ARHGAP27: variants seen among roughly 807,000 people sequenced by gnomAD.
ARHGAP27 encodes rho GTPase-activating protein 27.
Under a neutral mutation model 102.0 loss-of-function variants are expected in ARHGAP27, and 53 were observed. The observed-to-expected ratio is 0.52, with a 90% CI of 0.42 to 0.65. The LOEUF (loss-of-function observed/expected upper bound fraction) is 0.65, where lower values mean the gene tolerates loss of function less well. ARHGAP27 is among the 30% of genes least tolerant of loss of function. The pLI, the probability that ARHGAP27 is intolerant of heterozygous loss-of-function variation, is 0.00. For synonymous variants in ARHGAP27, 525 were observed against 542.8 expected, an observed-to-expected ratio of 0.97 and a Z score of 0.46; for missense variants, 1,117 against 1,256.2, an observed-to-expected ratio of 0.89 and a Z score of 1.68.
rs575777266 is a variant in ARHGAP27, at chr17:45,428,727, CG to C, written c.657+895del. 1.5e-3 allele frequency among the ~76,000 whole-genome samples: 230 copies of C among 152,230 alleles called. 1 individual carries two copies. Among genetic ancestry groups the C allele is most frequent in the African/African-American group, 5.4e-3 (224 of 41,532 alleles). On this transcript the variant is annotated intron_variant, in intron 4 of 19. Coordinates refer to ENST00000685559, the MANE Select transcript of ARHGAP27 (RefSeq NM_001282290.2). ...CCTCCCTTTGGGCTAAAGAACAAAC[CG>C]AGACCCTAAGAGAGGAAAAGAACTG...
chr17:45,402,644 C>T, intron 12 of ARHGAP27, 70 bp downstream of exon 12: 1 of 1,398,728 alleles, frequency 7.1e-7, no homozygotes, highest in Non-Finnish European at 1.0e-6. Flanking sequence ...ATTTCCAGGT[C>T]AATAGTTGTC....
At position 45,396,213 on chromosome 17, in the gene ARHGAP27, C is replaced by G; in HGVS notation, c.2245G>C (p.Asp749His). 2 of 1,611,052 alleles carry G rather than the reference C, an allele frequency of 1.2e-6. No individual in the cohort carries two copies. Among genetic ancestry groups the G allele is most frequent in the Non-Finnish European group, 1.7e-6 (2 of 1,178,056 alleles). Residue 749 changes from aspartate (D) to histidine (H), a missense_variant, in exon 17 of 20, where the codon GAC (aspartate) becomes CAC (histidine). This residue lies in a region of ARHGAP27 where 493 missense variants were observed against 505.5 expected (regional missense o/e 0.98). Transcript: ENST00000685559. ...ATIQKLRYKV[D>H]HDERLDLDDG... is the part of the protein sequence containing the mutation. ...GGTTGGGGACGGGCCTCACCGTGGTCCACCTTATAGCGTAGCTTCTGGATG... is the reference window on the plus strand; with the variant it reads ...GGTTGGGGACGGGCCTCACCGTGGTGCACCTTATAGCGTAGCTTCTGGATG...
At chr17:45,410,655 G>A (rs755285929) in intron 4 of ARHGAP27, among the ~76,000 whole-genome samples, 19 of 152,136 alleles carry the variant, frequency 1.2e-4, no homozygotes, top group Middle Eastern at 3.2e-3. Flanking sequence ...AGAGAATCAC[G>A]GCTGAGCCTG....
In ARHGAP27 at chr17:45,430,219, C is replaced by T. The variant is rs777985670; in HGVS notation, c.61G>A (p.Gly21Ser). 5.1e-6 allele frequency: 8 copies of T among 1,567,768 alleles called. No homozygotes were observed. Among genetic ancestry groups the T allele is most frequent in the Non-Finnish European group, 6.0e-6 (7 of 1,164,880 alleles). The part of the protein sequence containing the change: ...VLVEHPFEYT[G>S]KDGRRVAIRP... ...ATGGCCACGCGGCGCCCGTCCTTGC[C>T]GGTGTACTCGAAGGGGTGCTCCACC... Residue 21 changes from glycine to serine, a missense_variant, in exon 4 of 20, where the codon GGC (glycine) becomes AGC (serine). This residue lies in a region of ARHGAP27 where 610 missense variants were observed against 716.4 expected (regional missense o/e 0.85). Coordinates refer to ENST00000685559, the MANE Select transcript of ARHGAP27 (RefSeq NM_001282290.2). The surrounding 1 kb of genome is among the most constrained non-coding windows in gnomAD (Gnocchi z 4.4).
intron 6 of ARHGAP27, 108 bp downstream of exon 6, chr17:45,404,816 A>T: frequency 2.6e-6 from 4 of 1,547,572 alleles, no homozygotes. Context: ...TGGCTGGTTT[A>T]GGCTCTGTGT....
chr17:45,396,632 G>A (rs2045732634), intron 15 of ARHGAP27, 36 bp downstream of exon 15: 3 of 1,611,994 alleles, frequency 1.9e-6, no homozygotes, highest in African/African-American at 1.3e-5. Context: ...GCCCCGTCCC[G>A]GTCCCGGGTC....
chr17:45,429,142 C>G (rs2049854370), intron 4 of ARHGAP27, among the ~76,000 whole-genome samples: 1 of 152,226 alleles, frequency 6.6e-6, no homozygotes, highest in Non-Finnish European at 1.5e-5. Flanking sequence ...GGGGCAGGCC[C>G]GCAATCCCCC....
intron 4 of ARHGAP27, among the ~76,000 whole-genome samples, chr17:45,407,140 C>T (rs1016365870): frequency 6.6e-6 from 1 of 152,252 alleles, no homozygotes; most frequent in Non-Finnish European, 1.5e-5. Flanking sequence ...CGTCCCTCAC[C>T]GGCCTGTGCT....
At chr17:45,421,077 T>C (rs2048991933) in intron 4 of ARHGAP27, among the ~76,000 whole-genome samples, 1 of 141,914 alleles carries the variant, frequency 7.0e-6, no homozygotes, top group Non-Finnish European at 1.5e-5. Context: ...ACATCAAACC[T>C]CAGAGCAAAA....
chr17:45,395,283 A>G lies in ARHGAP27; in HGVS notation c.*173T>C, dbSNP rs2045454734. On this transcript the variant is annotated 3_prime_UTR_variant, in exon 20 of 20. Coordinates refer to ENST00000685559, the MANE Select transcript of ARHGAP27 (RefSeq NM_001282290.2). Reference sequence around the variant, plus strand: ...TTGGGAAGAAGGAATCACATTTTGCAAACTGCCCACTAGGGGTCACCGTAC... The same window carrying G: ...TTGGGAAGAAGGAATCACATTTTGCGAACTGCCCACTAGGGGTCACCGTAC... The G allele has an allele frequency of 3.7e-5, 28 of 762,416 alleles. No individual in the cohort carries two copies. The South Asian group carries it at 5.1e-4, about 14-fold the overall frequency. 47.2% of individuals were successfully genotyped at this position (762,416 alleles called of 1,614,324 possible).
At position 45,429,787 on chromosome 17, in the gene ARHGAP27, C is replaced by G; in HGVS notation, c.493G>C (p.Val165Leu). 6.6e-7 allele frequency: 1 copy of G among 1,520,878 alleles called. No homozygotes were observed. Among genetic ancestry groups the G allele is most frequent in the Non-Finnish European group, 8.8e-7 (1 of 1,138,300 alleles). The allele number at this position is 1,520,878 out of a possible 1,614,324, so 94.2% of individuals were successfully genotyped here. A position where few individuals can be genotyped will look rare whatever the true frequency, so the allele number is the denominator to read the frequency against. The change falls in exon 4 of 20, where the codon GTC (valine) becomes CTC (leucine). Residue 165 changes from valine (V) to leucine (L), a missense_variant. Transcript: ENST00000685559. ...CCTAGGAGGCCGGCGGGAGGCGAGACGGCGGCGCAGGCCAGGTCGTTCAGG... is the reference window on the plus strand; with the variant it reads ...CCTAGGAGGCCGGCGGGAGGCGAGAGGGCGGCGCAGGCCAGGTCGTTCAGG... ...QSLNDLACAA[V>L]SPPAGLLGSS...
chr17:45,420,831 G>A (rs2048959012), intron 4 of ARHGAP27, among the ~76,000 whole-genome samples: 1 of 151,204 alleles, frequency 6.6e-6, no homozygotes, highest in Admixed American at 6.6e-5. Context: ...GGGGGCGCCT[G>A]TAGTCCCAGC....
chr17:45,404,358 C>A (rs771333024), intron 8 of ARHGAP27, 24 bp from the exon 9 acceptor site: 2 of 1,613,810 alleles, frequency 1.2e-6, no homozygotes. Context: ...CAGATAGATC[C>A]CACCAAGTCC....
intron 5 of ARHGAP27, 134 bp downstream of exon 5, chr17:45,405,542 G>A (rs1440939879): frequency 1.6e-6 from 2 of 1,258,980 alleles, no homozygotes; most frequent in Admixed American, 2.9e-5. Context: ...AGGAGAAGGG[G>A]TCAAAGGCTC....
At position 45,408,579 on chromosome 17, in the gene ARHGAP27, C is replaced by T. The variant is rs907743999; in HGVS notation, c.658-2496G>A. 3.3e-5 allele frequency: 5 copies of T among 152,180 alleles called. No homozygotes were observed. In the East Asian group the frequency reaches 9.6e-4, roughly 29 times the overall value. The allele number at this position is 152,180 out of a possible 1,614,324, so 9.4% of individuals were successfully genotyped here. A position where few individuals can be genotyped will look rare whatever the true frequency, so the allele number is the denominator to read the frequency against. On this transcript the variant is annotated intron_variant, in intron 4 of 19. Coordinates refer to ENST00000685559, the MANE Select transcript of ARHGAP27 (RefSeq NM_001282290.2). The stretch of plus-strand genomic sequence containing the variant: ...CACCCCACTTGTCCTTTCTCTACCC[C>T]CACCATAGCTCTGATGTGGCATCCT...
intron 4 of ARHGAP27, among the ~76,000 whole-genome samples, chr17:45,411,568 A>C (rs569550676): frequency 6.6e-6 from 1 of 152,242 alleles, no homozygotes; most frequent in Non-Finnish European, 1.5e-5. Context: ...TGTAGAGATC[A>C]CACTAGGAGC....
chr17:45,425,755 C>T (rs2049536753), intron 4 of ARHGAP27: 1 of 519,256 alleles, frequency 1.9e-6, no homozygotes, highest in African/African-American at 2.1e-5. Flanking sequence ...TGGGCCTTCC[C>T]ACCTCTGGGC....
At position 45,396,566 on chromosome 17, in the gene ARHGAP27, C is replaced by G; in HGVS notation, c.2094G>C (p.Ala698=). Residue 698 remains alanine, a synonymous_variant, in exon 16 of 20, where the codon GCG becomes GCC. Transcript: ENST00000685559. ...GYIKDQVFGC[A]LAALCERERS... is the part of the protein sequence containing the mutation. ...TCTCGCGCTCACACAGCGCGGCCAG[C>G]GCGCAGCCGAACACCTGGTCTAGGG... 1 of 1,603,340 alleles carries G rather than the reference C, an allele frequency of 6.2e-7. No homozygotes were observed. The highest frequency in any genetic ancestry group is 8.5e-7 in the Non-Finnish European group (1 of 1,177,472).
chr17:45,396,496 C>A lies in ARHGAP27; in HGVS notation c.2164G>T (p.Glu722Ter). 1 of 1,544,774 alleles carries A rather than the reference C, an allele frequency of 6.5e-7. No homozygotes were observed. Among genetic ancestry groups the A allele is most frequent in the African/African-American group, 1.4e-5 (1 of 73,444 alleles). ...CCCGCAGCGCACGTACCGCGGGCCT[C>A]GACGGCGCGGATGCACTGCTGCACG... ...RFVQQCIRAVEARGLDIDGLY... is the reference protein window; with the variant it reads ...RFVQQCIRAV The change falls in exon 16 of 20, where the codon GAG becomes TAG. Residue 722 changes from glutamate to a stop codon, truncating the protein, a stop_gained. Coordinates refer to ENST00000685559, the MANE Select transcript of ARHGAP27 (RefSeq NM_001282290.2). LOFTEE classifies it high-confidence loss of function.
Sources: allele counts gnomAD v4.1 joint callset (sites outside exome capture counted in the v4.1 genomes callset), GRCh38; gene constraint gnomAD v4.1.1; regional missense constraint gnomAD v4.1.1; non-coding constraint Gnocchi (gnomAD v3.1); transcripts MANE v1.5; gene names NCBI Gene and HGNC (gene_info 2026-07-23, HGNC 2026-07-21).